The following WSCD2 variants were observed in gnomAD, a reference collection of about 807,000 sequenced individuals.
WSCD2 encodes the protein sialate:O-sulfotransferase 2.
WSCD2 carries 28 observed loss-of-function variants against 55.7 expected under a neutral mutation model. The observed-to-expected ratio is 0.50, with a 90% CI of 0.37 to 0.69. WSCD2 has a LOEUF of 0.69. Ranked by LOEUF, WSCD2 falls within the 30% of genes least tolerant of loss-of-function variation. WSCD2 has a pLI of 0.00. For synonymous variants in WSCD2, 301 were observed against 301.9 expected, an observed-to-expected ratio of 1.00 and a Z score of 0.03; for missense variants, 616 against 762.1, an observed-to-expected ratio of 0.81 and a Z score of 2.26.
chr12:108,164,160 T>TTTTTTTTTTTTTTTTTTTTTTTTTG, intron 1 of WSCD2, among the ~76,000 whole-genome samples: 1 of 146,078 alleles, frequency 6.8e-6, no homozygotes, highest in East Asian at 2.0e-4. Context: ...TTTTTTTTTT[T>TTTTTTTTTTTTTTTTTTTTTTTTTG]TTCAGAGAGG....
intron 5 of WSCD2, among the ~76,000 whole-genome samples, chr12:108,226,173 GC>G (rs1888062528): frequency 6.6e-6 from 1 of 152,066 alleles, no homozygotes; most frequent in Admixed American, 6.5e-5. Context: ...ACCCTGGTTT[GC>G]TACCAGATTA....
At chr12:108,224,903 CAT>C in intron 5 of WSCD2, 43 bp downstream of exon 5, 1 of 1,600,358 alleles carries the variant, frequency 6.2e-7, no homozygotes, top group South Asian at 1.1e-5. Context: ...GGGAGGGAAC[CAT>C]GCAGCAGAGC....
chr12:108,240,229 G>T, intron 7 of WSCD2, 115 bp from the exon 8 acceptor site: 2 of 1,327,858 alleles, frequency 1.5e-6, no homozygotes, highest in Non-Finnish European at 2.1e-6. Context: ...ATAAATACGC[G>T]AATGACTGAG....
intron 1 of WSCD2, among the ~76,000 whole-genome samples, chr12:108,149,409 A>G (rs1178397094): frequency 2.0e-5 from 3 of 152,164 alleles, no homozygotes; most frequent in Non-Finnish European, 2.9e-5. Flanking sequence ...AAAACTCCCT[A>G]CATTTTACCA....
intron 2 of WSCD2, 173 bp downstream of exon 2, chr12:108,196,387 G>A: frequency 8.9e-7 from 1 of 1,125,596 alleles, no homozygotes; most frequent in Non-Finnish European, 1.2e-6. Context: ...GAAAATTGAA[G>A]CTCAGAGAGA....
intron 2 of WSCD2, among the ~76,000 whole-genome samples, chr12:108,204,764 G>A (rs529889775): frequency 2.6e-5 from 4 of 152,306 alleles, no homozygotes; most frequent in Middle Eastern, 3.4e-3. Flanking sequence ...CATCTCCAGC[G>A]GGGCTGAAAA....
chr12:108,147,894 T>C (rs955862972), intron 1 of WSCD2, among the ~76,000 whole-genome samples: 1 of 151,800 alleles, frequency 6.6e-6, no homozygotes, highest in African/African-American at 2.4e-5. Flanking sequence ...AAAATGACCA[T>C]ACTCTTTCTC....
At chr12:108,232,613 C>G in intron 6 of WSCD2, 118 bp from the exon 7 acceptor site, 1 of 1,008,238 alleles carries the variant, frequency 9.9e-7, no homozygotes, top group South Asian at 1.7e-5. Context: ...ACGCAAGTGT[C>G]CTGTGCCCTT....
chr12:108,197,943 G>A (rs59283971), intron 2 of WSCD2, among the ~76,000 whole-genome samples: 35,376 of 146,726 alleles, frequency 0.24, 4,465 homozygotes, highest in African/African-American at 0.32. Context: ...CTGGGATGCC[G>A]TCTCCCCAGA....
chr12:108,189,790 T>C (rs1289816498), intron 1 of WSCD2: 1 of 152,164 alleles, frequency 6.6e-6, no homozygotes, highest in Non-Finnish European at 1.5e-5. Context: ...TCTACATTAA[T>C]TATTATATAC....
rs148463210 is a variant in WSCD2 at position 108,165,651 on chromosome 12, T to C, written c.-551-29631T>C. Among the ~76,000 whole-genome samples the C allele has an allele frequency of 2.2e-3, 332 of 152,324 alleles. 1 individual carries two copies. Among genetic ancestry groups the C allele is most frequent in the African/African-American group, 7.3e-3 (302 of 41,568 alleles). On this transcript the variant is annotated intron_variant, in intron 1 of 8. Transcript: ENST00000547525. The stretch of plus-strand genomic sequence containing the variant: ...GATGAGGCAGAGGTTTGGAGTTTAG[T>C]TGAGTGTGAGGTGGAGACATATCCC...
At chr12:108,244,836 C>T (rs1179067830) in intron 8 of WSCD2, among the ~76,000 whole-genome samples, 1 of 152,068 alleles carries the variant, frequency 6.6e-6, no homozygotes, top group Non-Finnish European at 1.5e-5. Context: ...AGACCAGGTG[C>T]TCTATTTTTT....
chr12:108,226,003 C>T (rs1214195121), intron 5 of WSCD2, among the ~76,000 whole-genome samples: 3 of 151,986 alleles, frequency 2.0e-5, no homozygotes, highest in Non-Finnish European at 4.4e-5. Context: ...AAAAGAAATC[C>T]CTTTCTCACG....
chr12:108,135,472 C>T (rs1022115655), intron 1 of WSCD2, among the ~76,000 whole-genome samples: 1 of 152,246 alleles, frequency 6.6e-6, no homozygotes, highest in Non-Finnish European at 1.5e-5. Context: ...CACACAGTGC[C>T]TTTCATGCTG....
At chr12:108,132,707 G>A (rs768571311) in intron 1 of WSCD2, among the ~76,000 whole-genome samples, 4 of 152,332 alleles carry the variant, frequency 2.6e-5, no homozygotes, top group East Asian at 3.9e-4. Context: ...AGAAATATCC[G>A]TGTTTAAGAA....
rs1272575511 is a variant in WSCD2, at chr12:108,136,752, TC to T, written c.-552+6830del. Among the ~76,000 whole-genome samples, 22 of 150,618 alleles carry T rather than the reference TC, an allele frequency of 1.5e-4. No individual in the cohort carries two copies. The East Asian group carries it at 4.0e-3, about 28-fold the overall frequency. ...GTTCTCAGCTACTCCTCCCGCTGCC[TC>T]CCCGCTCTGTCTTTCCCAGGTGGGG... On this transcript the variant is annotated intron_variant, in intron 1 of 8. Coordinates refer to ENST00000547525, the MANE Select transcript of WSCD2 (RefSeq NM_014653.4).
In WSCD2 at chr12:108,151,960, G is replaced by A. The variant is rs146804244; in HGVS notation, c.-552+22034G>A. On this transcript the variant is annotated intron_variant, in intron 1 of 8. Coordinates refer to ENST00000547525, the MANE Select transcript of WSCD2 (RefSeq NM_014653.4). ...TCCTCCTGCACACACTGGCCCAGAC[G>A]GGAGAATGGCTCTGCGATAGGAGGG... Among the ~76,000 whole-genome samples, 1,215 of 152,292 alleles carry A rather than the reference G, an allele frequency of 8.0e-3. 8 individuals are homozygous for A. The highest frequency in any genetic ancestry group is 0.037 in the Middle Eastern group (11 of 294).
chr12:108,231,057 G>C (rs1225798164), intron 6 of WSCD2, among the ~76,000 whole-genome samples: 1 of 152,126 alleles, frequency 6.6e-6, no homozygotes, highest in Non-Finnish European at 1.5e-5. Flanking sequence ...AAAATATTGG[G>C]GTTTGGAAGG....
chr12:108,141,725 G>A (rs1052656710), intron 1 of WSCD2, among the ~76,000 whole-genome samples: 1 of 152,160 alleles, frequency 6.6e-6, no homozygotes, highest in African/African-American at 2.4e-5. Context: ...CTAGGTAAAT[G>A]TCTCATAGTC....
Sources: gnomAD v4.1 joint callset for allele counts (sites outside exome capture counted in the v4.1 genomes callset) on GRCh38, gnomAD v4.1.1 for gene constraint, MANE v1.5 for transcripts, NCBI Gene and HGNC (gene_info 2026-07-23, HGNC 2026-07-21) for gene names.